Variants in HS3ST4 observed in about 807,000 individuals in gnomAD.
HS3ST4 encodes the protein heparan sulfate glucosamine 3-O-sulfotransferase 4.
A neutral mutation model predicts 29.2 loss-of-function variants in HS3ST4; 17 were observed. That is an observed-to-expected ratio of 0.58 (90% CI 0.40 to 0.87). The LOEUF is 0.87. Among genes scored for constraint, HS3ST4 ranks in the 40% least tolerant of loss-of-function variants. HS3ST4 has a pLI of 0.00. For synonymous variants in HS3ST4, 314 were observed against 285.7 expected, an observed-to-expected ratio of 1.10 and a Z score of -1.00; for missense variants, 627 against 634.5, an observed-to-expected ratio of 0.99 and a Z score of 0.13.
At chr16:26,039,875 C>T (rs931177338) in intron 1 of HS3ST4, among the ~76,000 whole-genome samples, 2 of 152,084 alleles carry the variant, frequency 1.3e-5, no homozygotes, top group East Asian at 1.9e-4. Context: ...AATTGCATGG[C>T]GATTTTGTCA....
intron 1 of HS3ST4, among the ~76,000 whole-genome samples, chr16:25,961,626 A>T (rs1285571241): frequency 6.6e-6 from 1 of 152,218 alleles, no homozygotes; most frequent in African/African-American, 2.4e-5. Context: ...AATAAGCAAC[A>T]GTGTGTCGGA....
chr16:25,936,872 A>G (rs1968521702), intron 1 of HS3ST4, among the ~76,000 whole-genome samples: 1 of 152,250 alleles, frequency 6.6e-6, no homozygotes, highest in Admixed American at 6.5e-5. Context: ...CGTAGCAGGC[A>G]AGATAGAGTT....
chr16:25,738,545 G>T (rs1456373207), intron 1 of HS3ST4, among the ~76,000 whole-genome samples: 3 of 152,186 alleles, frequency 2.0e-5, no homozygotes, highest in Non-Finnish European at 4.4e-5. Flanking sequence ...TTAGGTGGGT[G>T]GGGTGGGGTG....
At chr16:26,133,660 G>A (rs998968641) in intron 1 of HS3ST4, among the ~76,000 whole-genome samples, 9 of 152,182 alleles carry the variant, frequency 5.9e-5, no homozygotes, top group Non-Finnish European at 1.0e-4. Flanking sequence ...AGTGCTTGCC[G>A]AGATAGCTCA....
At chr16:25,904,107 AATGGATGGATGGATGG>A (rs146106307) in intron 1 of HS3ST4, among the ~76,000 whole-genome samples, 7 of 142,600 alleles carry the variant, frequency 4.9e-5, no homozygotes, top group East Asian at 4.1e-4. Context: ...TGAATGGATG[AATGGATGGATGGATGG>A]ATGGATGGAT....
intron 1 of HS3ST4, among the ~76,000 whole-genome samples, chr16:25,822,090 A>G (rs1967163370): frequency 6.6e-6 from 1 of 152,112 alleles, no homozygotes; most frequent in African/African-American, 2.4e-5. Context: ...AAATCTCTGT[A>G]GGTGAAAAAG....
chr16:25,813,771 A>G (rs1386705105), intron 1 of HS3ST4, among the ~76,000 whole-genome samples: 1 of 152,212 alleles, frequency 6.6e-6, no homozygotes, highest in African/African-American at 2.4e-5. Context: ...CCACAAAAAG[A>G]CTTGCACACA....
At chr16:25,909,863 A>G (rs1968218404) in intron 1 of HS3ST4, among the ~76,000 whole-genome samples, 1 of 152,102 alleles carries the variant, frequency 6.6e-6, no homozygotes, top group South Asian at 2.1e-4. Context: ...TTTGTTTGTT[A>G]GTTTAGTTTA....
intron 1 of HS3ST4, among the ~76,000 whole-genome samples, chr16:25,931,153 G>A (rs1028373802): frequency 1.3e-5 from 2 of 152,154 alleles, no homozygotes; most frequent in African/African-American, 2.4e-5. Context: ...TGGGGACCGC[G>A]TACCTTTCAA....
Position 25,821,702 on chromosome 16 carries a change from G to T in HS3ST4, c.734+128551G>T, listed in dbSNP as rs146667990. Among the ~76,000 whole-genome samples the T allele has an allele frequency of 9.3e-3, 1,421 of 152,172 alleles. 21 individuals are homozygous for T. The highest frequency in any genetic ancestry group is 0.032 in the African/African-American group (1,323 of 41,508). ...AGCACTTTGGGAGGACGAGGAGGGT[G>T]GATTGCCTGAGCTCAGGAGTTTGAG... On this transcript the variant is annotated intron_variant, in intron 1 of 1. Coordinates refer to ENST00000331351, the MANE Select transcript of HS3ST4 (RefSeq NM_006040.3).
chr16:26,021,095 G>A (rs1258450164), intron 1 of HS3ST4, among the ~76,000 whole-genome samples: 1 of 152,188 alleles, frequency 6.6e-6, no homozygotes, highest in Non-Finnish European at 1.5e-5. Flanking sequence ...AAACAGCCCC[G>A]AGTGAGGTAA....
At chr16:25,846,572 T>G (rs956536625) in intron 1 of HS3ST4, among the ~76,000 whole-genome samples, 4 of 151,944 alleles carry the variant, frequency 2.6e-5, no homozygotes, top group Non-Finnish European at 5.9e-5. Context: ...TTCCCCAGTT[T>G]GCCATCAATA....
chr16:26,112,080 T>C (rs1899139044), intron 1 of HS3ST4, among the ~76,000 whole-genome samples: 1 of 151,878 alleles, frequency 6.6e-6, no homozygotes, highest in Non-Finnish European at 1.5e-5. Flanking sequence ...CTTGCCCCAG[T>C]AGATGGTGCT....
chr16:25,850,357 C>T (rs1967506571), intron 1 of HS3ST4, among the ~76,000 whole-genome samples: 1 of 152,130 alleles, frequency 6.6e-6, no homozygotes, highest in Non-Finnish European at 1.5e-5. Context: ...GAAAAAACCC[C>T]ACATCCATCT....
At chr16:25,913,999 G>C (rs904322746) in intron 1 of HS3ST4, among the ~76,000 whole-genome samples, 1 of 146,598 alleles carries the variant, frequency 6.8e-6, no homozygotes, top group Middle Eastern at 3.8e-3. Context: ...GTGCAGGGAG[G>C]TGTATGTGTG....
chr16:25,852,787 A>C (rs1466525648), intron 1 of HS3ST4, among the ~76,000 whole-genome samples: 2 of 152,102 alleles, frequency 1.3e-5, no homozygotes, highest in Admixed American at 6.5e-5. Context: ...ATATTTCATC[A>C]TTCTAAGATT....
intron 1 of HS3ST4, among the ~76,000 whole-genome samples, chr16:25,884,721 A>G (rs1173423463): frequency 6.6e-6 from 1 of 152,114 alleles, no homozygotes. Flanking sequence ...GTGCACCAAC[A>G]AGCCTGGCTA....
At chr16:26,025,641 A>G (rs1166718718) in intron 1 of HS3ST4, among the ~76,000 whole-genome samples, 1 of 152,250 alleles carries the variant, frequency 6.6e-6, no homozygotes, top group Non-Finnish European at 1.5e-5. Context: ...CAAATGCTAA[A>G]GGCTAGGGCA....
At chr16:25,901,898 A>G (rs1405312596) in intron 1 of HS3ST4, among the ~76,000 whole-genome samples, 2 of 152,192 alleles carry the variant, frequency 1.3e-5, no homozygotes, top group Non-Finnish European at 1.5e-5. Context: ...GAAAATGGAG[A>G]AAAAATGAGT....
Sources: gnomAD v4.1 joint callset for allele counts (sites outside exome capture counted in the v4.1 genomes callset) on GRCh38, gnomAD v4.1.1 for gene constraint, MANE v1.5 for transcripts, NCBI Gene and HGNC (gene_info 2026-07-23, HGNC 2026-07-21) for gene names.